The following RTN3 variants were observed in gnomAD, a reference collection of about 807,000 sequenced individuals.
RTN3 encodes the protein reticulon-3.
A neutral mutation model predicts 77.8 loss-of-function variants in RTN3; 49 were observed. The observed-to-expected ratio is 0.63, with a 90% CI of 0.50 to 0.80. The LOEUF (loss-of-function observed/expected upper bound fraction) is 0.80. Ranked by LOEUF, RTN3 falls within the 30% of genes least tolerant of loss-of-function variation. The pLI is 0.00. For synonymous variants in RTN3, 464 were observed against 446.9 expected, an observed-to-expected ratio of 1.04 and a Z score of -0.48; for missense variants, 1,236 against 1,211.9, an observed-to-expected ratio of 1.02 and a Z score of -0.29.
At position 63,681,658 on chromosome 11, in the gene RTN3, A is replaced by C; in HGVS notation, c.22A>C (p.Thr8Pro). 1 of 1,605,020 alleles carries C rather than the reference A, an allele frequency of 6.2e-7. No homozygotes were observed. The highest frequency in any genetic ancestry group is 8.5e-7 in the Non-Finnish European group (1 of 1,175,288). ...AGCCATGGCGGAGCCGTCGGCGGCC[A>C]CTCAGTCCCATTCCATCTCCTCGTC... MAEPSAA[T>P]QSHSISSSSF... Residue 8 changes from threonine to proline, a missense_variant, in exon 1 of 9, where the codon ACT (threonine) becomes CCT (proline). By Grantham distance (38) the Thr-to-Pro change is conservative. Transcript: ENST00000377819.
At position 63,753,154 on chromosome 11, in the gene RTN3, G is replaced by GA; in HGVS notation, c.2947+18dup. 6.2e-7 allele frequency: 1 copy of GA among 1,609,380 alleles called. No homozygotes were observed. The highest frequency in any genetic ancestry group is 1.1e-5 in the South Asian group (1 of 90,962). On this transcript the variant is annotated intron_variant, in intron 6 of 8. Coordinates refer to ENST00000377819, the MANE Select transcript of RTN3 (RefSeq NM_001265589.2). ...CTAATTCTTGGTAAGGTGGCAAGGAGAATGTGCCCATGCTCTTTGAAGTAG... is the reference window on the plus strand; with the variant it reads ...CTAATTCTTGGTAAGGTGGCAAGGAGAAATGTGCCCATGCTCTTTGAAGTAG...
intron 3 of RTN3, 59 bp downstream of exon 3, chr11:63,721,091 C>T (rs1048020087): frequency 2.8e-6 from 4 of 1,434,940 alleles, no homozygotes; most frequent in South Asian, 1.4e-5. Context: ...TACTTATCAG[C>T]GTGCCATTTA....
chr11:63,732,281 A>G (rs1378752887), intron 3 of RTN3, among the ~76,000 whole-genome samples: 6 of 152,100 alleles, frequency 3.9e-5, no homozygotes, highest in African/African-American at 4.8e-5. Context: ...GCCTCAGCCA[A>G]GTAGCTAGGA....
At chr11:63,739,295 T>G (rs1012971356) in intron 3 of RTN3, among the ~76,000 whole-genome samples, 16 of 152,210 alleles carry the variant, frequency 1.1e-4, no homozygotes, top group African/African-American at 3.6e-4. Context: ...AAAGATAAAG[T>G]TGTAACCTGA....
At chr11:63,721,420 G>A (rs1028591365) in intron 3 of RTN3, among the ~76,000 whole-genome samples, 1 of 151,880 alleles carries the variant, frequency 6.6e-6, no homozygotes, top group Non-Finnish European at 1.5e-5. Context: ...TAAAAATACA[G>A]AAAAATTAGC....
rs2014184404 is a variant in RTN3 at position 63,753,010 on chromosome 11, G to T, written c.2878-59G>T. 5.5e-6 allele frequency: 8 copies of T among 1,466,590 alleles called. No individual in the cohort carries two copies. In the East Asian group the frequency reaches 6.8e-5, roughly 12 times the overall value. 90.8% of individuals were successfully genotyped at this position (1,466,590 alleles called of 1,614,324 possible). A position where few individuals can be genotyped will look rare whatever the true frequency, so the allele number is the denominator to read the frequency against. On this transcript the variant is annotated intron_variant, in intron 5 of 8. Transcript: ENST00000377819. Reference sequence around the variant, plus strand: ...AATTAGCTGGAGGAGAATGACATCAGTTAATGTGAATTTTGCCTTACGGTT... The same window carrying T: ...AATTAGCTGGAGGAGAATGACATCATTTAATGTGAATTTTGCCTTACGGTT...
At chr11:63,687,312 G>C (rs1278931037) in intron 1 of RTN3, among the ~76,000 whole-genome samples, 1 of 152,026 alleles carries the variant, frequency 6.6e-6, no homozygotes, top group Admixed American at 6.6e-5. Context: ...TCTTGGAGTT[G>C]GTATGAAAAT....
chr11:63,726,861 G>C (rs492948), intron 3 of RTN3, among the ~76,000 whole-genome samples: 127,070 of 135,398 alleles, frequency 0.94, 59,672 homozygotes, highest in East Asian at 0.98. Context: ...GACTCCGTCT[G>C]AAAAAAAAAA....
chr11:63,728,778 C>A (rs1290899756), intron 3 of RTN3, among the ~76,000 whole-genome samples: 1 of 151,410 alleles, frequency 6.6e-6, no homozygotes, highest in East Asian at 1.9e-4. Flanking sequence ...TCCCAGCTAC[C>A]CAGGAGGCTG....
intron 2 of RTN3, among the ~76,000 whole-genome samples, chr11:63,708,327 G>T (rs1047494132): frequency 6.6e-6 from 1 of 151,970 alleles, no homozygotes; most frequent in Non-Finnish European, 1.5e-5. Context: ...GCAATATGTA[G>T]TAATAATAGG....
intron 1 of RTN3, among the ~76,000 whole-genome samples, chr11:63,685,943 A>T (rs1395875104): frequency 1.3e-5 from 2 of 152,216 alleles, no homozygotes; most frequent in African/African-American, 4.8e-5. Context: ...GCAGCCAGCA[A>T]TGTAGTATGC....
intron 3 of RTN3, among the ~76,000 whole-genome samples, chr11:63,726,036 C>T (rs576659045): frequency 6.6e-6 from 1 of 151,984 alleles, no homozygotes; most frequent in Non-Finnish European, 1.5e-5. Context: ...TGAATCTATG[C>T]TAGAAAGATT....
chr11:63,742,795 A>G (rs1032797493), intron 3 of RTN3, among the ~76,000 whole-genome samples: 5 of 152,172 alleles, frequency 3.3e-5, no homozygotes, highest in East Asian at 1.9e-4. Context: ...TCTCTCAGCA[A>G]TGTTTTATAG....
chr11:63,716,231 T>TA (rs997430918), intron 2 of RTN3, among the ~76,000 whole-genome samples: 1 of 152,242 alleles, frequency 6.6e-6, no homozygotes, highest in African/African-American at 2.4e-5. Flanking sequence ...ATTTTCATAA[T>TA]ACTGGAATTT....
intron 7 of RTN3, 45 bp from the exon 8 acceptor site, chr11:63,756,067 T>G (rs2014367545): frequency 5.1e-6 from 7 of 1,376,202 alleles, no homozygotes; most frequent in Non-Finnish European, 7.3e-6. Flanking sequence ...GGAAAATTGG[T>G]GATCTGTATG....
intron 3 of RTN3, among the ~76,000 whole-genome samples, chr11:63,735,400 C>G (rs1565333968): frequency 6.6e-6 from 1 of 152,154 alleles, no homozygotes; most frequent in Non-Finnish European, 1.5e-5. Flanking sequence ...GTACTAAAAG[C>G]TACCAAACAC....
Position 63,758,174 on chromosome 11 carries a change from T to G in RTN3, c.3072T>G (p.Pro1024=), listed in dbSNP as rs1159657757. The part of the protein sequence containing the change: ...SIVEKIQAKL[P]GIAKKKAE ...TCAATAGGATCCAAGCAAAACTCCC[T>G]GGAATCGCCAAAAAAAAGGCAGAAT... The change falls in exon 9 of 9, where the codon CCT becomes CCG. Residue 1024 remains proline, a synonymous_variant. Coordinates refer to ENST00000377819, the MANE Select transcript of RTN3 (RefSeq NM_001265589.2). 7 of 1,608,674 alleles carry G rather than the reference T, an allele frequency of 4.4e-6. No homozygotes were observed. The highest frequency in any genetic ancestry group is 5.9e-6 in the Non-Finnish European group (7 of 1,178,408).
At chr11:63,755,906 C>T (rs937366054) in intron 7 of RTN3, among the ~76,000 whole-genome samples, 1 of 151,894 alleles carries the variant, frequency 6.6e-6, no homozygotes, top group African/African-American at 2.4e-5. Flanking sequence ...TTGCAGTGAG[C>T]CAAGATAGCG....
chr11:63,681,520 C>G lies in RTN3; in HGVS notation c.-117C>G. 9.1e-7 allele frequency: 1 copy of G among 1,103,394 alleles called. No individual in the cohort carries two copies. Among genetic ancestry groups the G allele is most frequent in the Non-Finnish European group, 1.3e-6 (1 of 797,944 alleles). 68.4% of individuals were successfully genotyped at this position (1,103,394 alleles called of 1,614,324 possible). ...CAGTCAGTCTGTCGGAGTCTGTCCT[C>G]GGAGCAGGCGGAGTAAAGGGACTTG... On this transcript the variant is annotated 5_prime_UTR_variant, in exon 1 of 9. Coordinates refer to ENST00000377819, the MANE Select transcript of RTN3 (RefSeq NM_001265589.2).
Sources: allele counts gnomAD v4.1 joint callset (sites outside exome capture counted in the v4.1 genomes callset), GRCh38; gene constraint gnomAD v4.1.1; transcripts MANE v1.5; gene names NCBI Gene and HGNC (gene_info 2026-07-23, HGNC 2026-07-21).